COG5: variants seen among roughly 807,000 people sequenced by gnomAD.
The protein encoded by COG5 is component of oligomeric golgi complex 5, also known as conserved oligomeric Golgi complex subunit 5.
A neutral mutation model predicts 110.4 loss-of-function variants in COG5; 86 were observed. That is an observed-to-expected ratio of 0.78 (90% CI 0.65 to 0.93). The LOEUF (loss-of-function observed/expected upper bound fraction) is 0.93. Among genes scored for constraint, COG5 ranks in the 40% least tolerant of loss-of-function variants. The probability of loss-of-function intolerance (pLI) is 0.00; values close to 1 mark genes in which losing one functional copy is unlikely to be tolerated. For missense variants in COG5, 1,077 were observed against 987.0 expected (o/e 1.09, Z -1.22); for synonymous variants, 360 against 334.6 (o/e 1.08, Z -0.83).
At chr7:107,445,594 T>G (rs1794961244) in intron 6 of COG5, among the ~76,000 whole-genome samples, 1 of 152,222 alleles carries the variant, frequency 6.6e-6, no homozygotes, top group Admixed American at 6.5e-5. Context: ...AACTAGCAAG[T>G]ACTTATGCCT....
intron 6 of COG5, among the ~76,000 whole-genome samples, chr7:107,510,594 C>G (rs1799424315): frequency 6.6e-6 from 1 of 152,210 alleles, no homozygotes; most frequent in Non-Finnish European, 1.5e-5. Flanking sequence ...ACAGAATATA[C>G]ATTCTTTTCA....
intron 6 of COG5, among the ~76,000 whole-genome samples, chr7:107,522,728 A>C (rs1365602351): frequency 1.3e-5 from 2 of 152,226 alleles, no homozygotes; most frequent in African/African-American, 4.8e-5. Flanking sequence ...TAATATTTTT[A>C]TATGAAATGA....
At chr7:107,396,675 G>A (rs986189598) in intron 7 of COG5, among the ~76,000 whole-genome samples, 3 of 151,960 alleles carry the variant, frequency 2.0e-5, no homozygotes, top group Admixed American at 6.6e-5. Flanking sequence ...TCAATATGGA[G>A]AAGAAGAGCT....
chr7:107,312,095 T>C (rs2237666), intron 11 of COG5, among the ~76,000 whole-genome samples: 13,670 of 152,194 alleles, frequency 0.09, 1,673 homozygotes, highest in African/African-American at 0.27. Flanking sequence ...TGCAACCATC[T>C]TTTCATGTCC....
intron 11 of COG5, among the ~76,000 whole-genome samples, chr7:107,323,849 A>G (rs1359067331): frequency 1.3e-5 from 2 of 152,182 alleles, no homozygotes; most frequent in East Asian, 3.8e-4. Flanking sequence ...ATATGCTCTT[A>G]CCTAAAGTAT....
chr7:107,265,094 CAATAT>C (rs1337472963), intron 14 of COG5, among the ~76,000 whole-genome samples: 1 of 151,990 alleles, frequency 6.6e-6, no homozygotes, highest in Non-Finnish European at 1.5e-5. Context: ...AATTGTTATA[CAATAT>C]AATTTCATAA....
At chr7:107,452,036 A>C (rs2129094295) in intron 6 of COG5, among the ~76,000 whole-genome samples, 1 of 152,200 alleles carries the variant, frequency 6.6e-6, no homozygotes, top group South Asian at 2.1e-4. Flanking sequence ...GAGTAGACCT[A>C]CTATCCATTT....
At chr7:107,562,994 G>A (rs1337283325) in intron 1 of COG5, among the ~76,000 whole-genome samples, 1 of 152,140 alleles carries the variant, frequency 6.6e-6, no homozygotes, top group African/African-American at 2.4e-5. Context: ...TTTAGTACAA[G>A]GTAGAATGCG....
chr7:107,297,443 CTTTTTTTTTT>C (rs71314693), intron 12 of COG5, among the ~76,000 whole-genome samples: 2 of 77,986 alleles, frequency 2.6e-5, no homozygotes, highest in Admixed American at 1.7e-4. Flanking sequence ...TACATTCTGC[CTTTTTTTTTT>C]TTTTTTTTTT....
intron 6 of COG5, among the ~76,000 whole-genome samples, chr7:107,457,362 GA>G (rs763355070): frequency 0.021 from 1,372 of 64,634 alleles, 7 homozygotes; most frequent in Middle Eastern, 0.058. Flanking sequence ...GCTATGAGGA[GA>G]AAAAAAAAAA....
rs532455743 is a variant in COG5, at chr7:107,532,970, G to A, written c.418-5613C>T. 5.0e-4 allele frequency among the ~76,000 whole-genome samples: 76 copies of A among 152,068 alleles called. 1 individual carries two copies. The highest frequency in any genetic ancestry group is 1.2e-3 in the Admixed American group (19 of 15,256). ...TTCTCATGCTTAACACTAGTCTCAC[G>A]GTGATTTTTTTCTAGTCAGTCTTTG... is the stretch of plus-strand genomic sequence containing the variant. On this transcript the variant is annotated intron_variant, in intron 5 of 21. Coordinates refer to ENST00000297135, the MANE Select transcript of COG5 (RefSeq NM_006348.5).
intron 6 of COG5, among the ~76,000 whole-genome samples, chr7:107,486,777 T>C (rs2129125173): frequency 6.6e-6 from 1 of 152,312 alleles, no homozygotes; most frequent in East Asian, 1.9e-4. Flanking sequence ...GGTGAAGTGA[T>C]GGATTATTCA....
chr7:107,552,222 A>C (rs538491927), intron 3 of COG5, among the ~76,000 whole-genome samples: 24 of 152,356 alleles, frequency 1.6e-4, no homozygotes, highest in Admixed American at 1.2e-3. Context: ...GCATGTTTTC[A>C]AGATTGCCAT....
intron 11 of COG5, among the ~76,000 whole-genome samples, chr7:107,303,103 T>G (rs1354005482): frequency 6.6e-6 from 1 of 152,108 alleles, no homozygotes; most frequent in East Asian, 1.9e-4. Flanking sequence ...TTTTTTTTCT[T>G]TTTTTTCTTA....
chr7:107,556,006 T>C (rs1803288327), intron 2 of COG5, among the ~76,000 whole-genome samples: 3 of 146,658 alleles, frequency 2.0e-5, no homozygotes, highest in Admixed American at 2.0e-4. Flanking sequence ...AGAGCAAGAC[T>C]CTGTCTCAAA....
chr7:107,557,135 A>G (rs2237675), intron 2 of COG5, among the ~76,000 whole-genome samples: 14 of 152,300 alleles, frequency 9.2e-5, no homozygotes, highest in Admixed American at 5.9e-4. Flanking sequence ...AGAATTTTAG[A>G]GTTAAAATAA....
At chr7:107,504,985 T>A (rs1447422035) in intron 6 of COG5, among the ~76,000 whole-genome samples, 1 of 152,184 alleles carries the variant, frequency 6.6e-6, no homozygotes, top group Non-Finnish European at 1.5e-5. Flanking sequence ...AACTCTGAGT[T>A]CCTTGGTTAT....
chr7:107,369,226 T>C (rs1436112326), intron 8 of COG5, among the ~76,000 whole-genome samples: 1 of 152,200 alleles, frequency 6.6e-6, no homozygotes, highest in Non-Finnish European at 1.5e-5. Flanking sequence ...TATCAGGCTG[T>C]ATGTATGTAT....
intron 7 of COG5, among the ~76,000 whole-genome samples, chr7:107,406,480 A>G (rs1458727562): frequency 6.6e-6 from 1 of 152,230 alleles, no homozygotes; most frequent in Non-Finnish European, 1.5e-5. Flanking sequence ...AAAGTTTGTC[A>G]GTCTCTTAAT....
Sources: gnomAD v4.1 joint callset for allele counts (sites outside exome capture counted in the v4.1 genomes callset) on GRCh38, gnomAD v4.1.1 for gene constraint, MANE v1.5 for transcripts, NCBI Gene and HGNC (gene_info 2026-07-23, HGNC 2026-07-21) for gene names.